Variants in DIAPH3 observed in about 807,000 individuals in gnomAD.
DIAPH3 encodes the protein diaphanous related formin 3.
Under a neutral mutation model 144.3 loss-of-function variants are expected in DIAPH3, and 117 were observed. The ratio of observed to expected loss-of-function variants is 0.81; its 90% CI spans 0.70 to 0.95. DIAPH3 has a LOEUF of 0.95. Among genes scored for constraint, DIAPH3 ranks in the 40% least tolerant of loss-of-function variants. The probability of loss-of-function intolerance (pLI) is 0.00; values close to 1 mark genes in which losing one functional copy is unlikely to be tolerated. For synonymous variants in DIAPH3, 519 were observed against 488.9 expected (o/e 1.06, Z -0.81); for missense variants, 1,421 against 1,412.7 (o/e 1.01, Z -0.09).
chr13:59,798,096 C>A (rs2039707342), intron 25 of DIAPH3, among the ~76,000 whole-genome samples: 1 of 152,116 alleles, frequency 6.6e-6, no homozygotes, highest in African/African-American at 2.4e-5. Flanking sequence ...ACACCCAATC[C>A]ACTAGAAAGC....
chr13:59,845,492 A>G (rs931007860), intron 22 of DIAPH3, among the ~76,000 whole-genome samples: 1 of 152,196 alleles, frequency 6.6e-6, no homozygotes, highest in Non-Finnish European at 1.5e-5. Context: ...GCATGTCAGT[A>G]AACTGGTTAC....
chr13:59,802,402 A>C (rs1277672960), intron 25 of DIAPH3, among the ~76,000 whole-genome samples: 1 of 151,704 alleles, frequency 6.6e-6, no homozygotes, highest in East Asian at 1.9e-4. Flanking sequence ...ATTATCATTA[A>C]TTTTATCAAT....
chr13:59,963,070 T>C (rs2049852651), intron 17 of DIAPH3, among the ~76,000 whole-genome samples: 1 of 152,118 alleles, frequency 6.6e-6, no homozygotes, highest in African/African-American at 2.4e-5. Context: ...AAGTTAAGAA[T>C]CCTGGGATAA....
At position 59,810,821 on chromosome 13, in the gene DIAPH3, G is replaced by C. The variant is rs767533339; in HGVS notation, c.3130C>G (p.Gln1044Glu). The part of the protein sequence containing the change: ...LAERERLERQ[Q>E]KKKRLLEMKT... ...ATTTCTAATAAACGCTTTTTCTTTTGTTGGCGTTCGAGTCTTTCTCGCTCT... is the reference window on the plus strand; with the variant it reads ...ATTTCTAATAAACGCTTTTTCTTTTCTTGGCGTTCGAGTCTTTCTCGCTCT... The change falls in exon 25 of 28, where the codon CAA becomes GAA. Residue 1044 changes from glutamine to glutamate, a missense_variant. Physicochemically the swap from Gln to Glu is conservative, Grantham distance 29 (BLOSUM62 2). Transcript: ENST00000400324. 6.2e-7 allele frequency: 1 copy of C among 1,613,352 alleles called. No homozygotes were observed. The highest frequency in any genetic ancestry group is 8.5e-7 in the Non-Finnish European group (1 of 1,179,866).
intron 4 of DIAPH3, among the ~76,000 whole-genome samples, chr13:60,050,702 G>A (rs2141243197): frequency 6.6e-6 from 1 of 152,280 alleles, no homozygotes; most frequent in South Asian, 2.1e-4. Context: ...AAGGACTTTA[G>A]GTTTTATTCT....
intron 7 of DIAPH3, among the ~76,000 whole-genome samples, chr13:60,015,073 A>G (rs1055866738): frequency 1.3e-5 from 2 of 152,024 alleles, no homozygotes; most frequent in Admixed American, 6.6e-5. Context: ...ACAGTTCACT[A>G]TAACCTCAAA....
chr13:59,785,529 T>A (rs2038990713), intron 25 of DIAPH3, among the ~76,000 whole-genome samples: 1 of 152,200 alleles, frequency 6.6e-6, no homozygotes, highest in Admixed American at 6.5e-5. Context: ...CAAAGACTAT[T>A]GTGAAGATTA....
intron 27 of DIAPH3, among the ~76,000 whole-genome samples, chr13:59,675,220 C>T (rs2032579304): frequency 1.3e-5 from 2 of 152,126 alleles, no homozygotes; most frequent in African/African-American, 4.8e-5. Flanking sequence ...CACGTATCAC[C>T]ATGCCTGGCT....
chr13:59,844,308 T>G (rs1172035914), intron 22 of DIAPH3, among the ~76,000 whole-genome samples: 2 of 151,780 alleles, frequency 1.3e-5, no homozygotes, highest in African/African-American at 2.4e-5. Context: ...ATCGAGACCA[T>G]CCTAGCTAAC....
In DIAPH3 at chr13:59,825,597, T is replaced by C. The variant is rs537058519; in HGVS notation, c.3027+7510A>G. Among the ~76,000 whole-genome samples, 38 of 152,308 alleles carry C rather than the reference T, an allele frequency of 2.5e-4. 1 individual carries two copies. In the South Asian group the frequency reaches 7.9e-3, roughly 32 times the overall value. ...AATGGTATTTCTAGTTCTAGATCCCTGAGGAATCGCCACACTGACTTCCAC... is the reference window on the plus strand; with the variant it reads ...AATGGTATTTCTAGTTCTAGATCCCCGAGGAATCGCCACACTGACTTCCAC... On this transcript the variant is annotated intron_variant, in intron 24 of 27. Coordinates refer to ENST00000400324, the MANE Select transcript of DIAPH3 (RefSeq NM_001042517.2).
At chr13:59,898,482 A>G (rs564664548) in intron 20 of DIAPH3, among the ~76,000 whole-genome samples, 1 of 152,360 alleles carries the variant, frequency 6.6e-6, no homozygotes, top group South Asian at 2.1e-4. Flanking sequence ...TTCAAGTCTC[A>G]GTACTAAGAA....
chr13:60,152,708 T>C (rs1345727309), intron 1 of DIAPH3, among the ~76,000 whole-genome samples: 2 of 152,052 alleles, frequency 1.3e-5, no homozygotes, highest in African/African-American at 2.4e-5. Context: ...TACACCTCTT[T>C]TGTATGATAC....
intron 25 of DIAPH3, among the ~76,000 whole-genome samples, chr13:59,796,625 T>G (rs1006246333): frequency 2.0e-5 from 3 of 152,216 alleles, no homozygotes; most frequent in African/African-American, 7.2e-5. Flanking sequence ...CAGATATATT[T>G]CCCTAACTTC....
At chr13:59,928,462 T>G (rs772446241) in intron 17 of DIAPH3, among the ~76,000 whole-genome samples, 18 of 152,190 alleles carry the variant, frequency 1.2e-4, no homozygotes, top group Non-Finnish European at 2.6e-4. Flanking sequence ...TTCAGATTTT[T>G]TTGTGTGTCC....
intron 4 of DIAPH3, among the ~76,000 whole-genome samples, chr13:60,075,023 T>C (rs1479293539): frequency 6.6e-6 from 1 of 152,198 alleles, no homozygotes; most frequent in East Asian, 1.9e-4. Flanking sequence ...CAGTAGGGTA[T>C]ACAAGTTTTT....
At chr13:59,963,427 TTACTA>T (rs1368929421) in intron 17 of DIAPH3, among the ~76,000 whole-genome samples, 8 of 152,214 alleles carry the variant, frequency 5.3e-5, no homozygotes, top group African/African-American at 9.6e-5. Context: ...AATTTACTAC[TTACTA>T]TATTATACCA....
intron 27 of DIAPH3, among the ~76,000 whole-genome samples, chr13:59,758,900 C>G (rs1376080219): frequency 6.6e-6 from 1 of 151,406 alleles, no homozygotes. Context: ...CTATCTCAGC[C>G]TCCTGAGTAG....
At position 60,028,808 on chromosome 13, in the gene DIAPH3, T is replaced by C. The variant is rs146973402; in HGVS notation, c.627-12663A>G. ...GGGCACGGTGCCTCACACCTGTAAT[T>C]CCAGCACTTTGGGAGGCCGAGGTGG... On this transcript the variant is annotated intron_variant, in intron 5 of 27. Coordinates refer to ENST00000400324, the MANE Select transcript of DIAPH3 (RefSeq NM_001042517.2). 8.2e-3 allele frequency among the ~76,000 whole-genome samples: 1,251 copies of C among 152,130 alleles called. 20 individuals are homozygous for C. Among genetic ancestry groups the C allele is most frequent in the African/African-American group, 0.028 (1,174 of 41,512 alleles).
intron 27 of DIAPH3, among the ~76,000 whole-genome samples, chr13:59,681,632 T>A (rs2032956304): frequency 6.6e-6 from 1 of 152,170 alleles, no homozygotes; most frequent in Non-Finnish European, 1.5e-5. Flanking sequence ...GGCTATATTT[T>A]ACAAGACTCA....
Sources: gnomAD v4.1 joint callset for allele counts (sites outside exome capture counted in the v4.1 genomes callset) on GRCh38, gnomAD v4.1.1 for gene constraint, MANE v1.5 for transcripts, NCBI Gene and HGNC (gene_info 2026-07-23, HGNC 2026-07-21) for gene names.